Variants in TBX15 observed in about 807,000 individuals in gnomAD.
TBX15 encodes the protein T-box transcription factor TBX15.
A neutral mutation model predicts 53.9 loss-of-function variants in TBX15; 18 were observed. The ratio of observed to expected loss-of-function variants is 0.33; its 90% confidence interval spans 0.23 to 0.49. The LOEUF is 0.49. Among genes scored for constraint, TBX15 ranks in the 20% least tolerant of loss-of-function variants. The pLI is 0.98. For missense variants in TBX15, 692 were observed against 749.5 expected, an observed-to-expected ratio of 0.92 and a Z score of 0.90; for synonymous variants, 295 against 278.0, an observed-to-expected ratio of 1.06 and a Z score of -0.61.
intron 7 of TBX15, among the ~76,000 whole-genome samples, chr1:118,895,080 TCTTA>T (rs1654375670): frequency 6.6e-6 from 1 of 152,178 alleles, no homozygotes; most frequent in South Asian, 2.1e-4. Flanking sequence ...TTTCCCAGTA[TCTTA>T]CTTGTATGAC....
At chr1:118,932,663 C>T (rs1425058428) in intron 1 of TBX15, among the ~76,000 whole-genome samples, 1 of 152,078 alleles carries the variant, frequency 6.6e-6, no homozygotes, top group Non-Finnish European at 1.5e-5. Context: ...TCCAGATGGT[C>T]CTTTCCTGTG....
chr1:118,918,466 G>A lies in TBX15; in HGVS notation c.862-4287C>T, dbSNP rs563231297. Among the ~76,000 whole-genome samples, 3 of 152,154 alleles carry A rather than the reference G, an allele frequency of 2.0e-5. No homozygotes were observed. The South Asian group carries it at 6.2e-4, about 32-fold the overall frequency. ...CTCTTGATTCTATTTGCTTTCACTG[G>A]AGGCATTAGAGACAAAAATCCTATA... On this transcript the variant is annotated intron_variant, in intron 5 of 7. Coordinates refer to ENST00000369429, the MANE Select transcript of TBX15 (RefSeq NM_001330677.2).
At chr1:118,902,686 T>C (rs955744988) in intron 6 of TBX15, among the ~76,000 whole-genome samples, 4 of 152,268 alleles carry the variant, frequency 2.6e-5, no homozygotes, top group African/African-American at 9.6e-5. Context: ...TTTCCTTGTC[T>C]TTTTCCATTC....
intron 1 of TBX15, among the ~76,000 whole-genome samples, chr1:118,985,943 C>T (rs1320550544): frequency 6.6e-6 from 1 of 152,186 alleles, no homozygotes; most frequent in Non-Finnish European, 1.5e-5. Flanking sequence ...AAAGAGCAAA[C>T]TCTGATCTGA....
At chr1:118,896,199 TG>T (rs111668293) in intron 7 of TBX15, among the ~76,000 whole-genome samples, 18,177 of 152,200 alleles carry the variant, frequency 0.12, 1,444 homozygotes, top group East Asian at 0.2. Flanking sequence ...TGGACACCCC[TG>T]TACTAGACTG....
intron 1 of TBX15, among the ~76,000 whole-genome samples, chr1:118,939,679 C>T (rs916862641): frequency 6.8e-6 from 1 of 147,270 alleles, no homozygotes; most frequent in African/African-American, 2.5e-5. Context: ...ACAGGTATCC[C>T]CTAGATCTAA....
chr1:118,987,547 TC>T, intron 1 of TBX15, 43 bp downstream of exon 1: 1 of 1,527,030 alleles, frequency 6.5e-7, no homozygotes, highest in South Asian at 1.2e-5. Flanking sequence ...CCCTTCGGCG[TC>T]CCCTCTCCGC....
intron 1 of TBX15, among the ~76,000 whole-genome samples, chr1:118,939,244 T>G (rs1269600830): frequency 1.3e-5 from 2 of 150,636 alleles, no homozygotes; most frequent in African/African-American, 4.9e-5. Context: ...CTATCCCTAC[T>G]AAAAATCCAA....
intron 6 of TBX15, among the ~76,000 whole-genome samples, chr1:118,901,760 T>A (rs1408166242): frequency 6.6e-6 from 1 of 152,166 alleles, no homozygotes; most frequent in Non-Finnish European, 1.5e-5. Context: ...TGATCTGATA[T>A]AACTTTCACC....
At chr1:118,914,644 C>T (rs1655140728) in intron 5 of TBX15, among the ~76,000 whole-genome samples, 1 of 152,224 alleles carries the variant, frequency 6.6e-6, no homozygotes, top group South Asian at 2.1e-4. Context: ...ACAAGACAAT[C>T]TGCCTTAGCC....
chr1:118,933,131 G>A (rs147779108), intron 1 of TBX15, among the ~76,000 whole-genome samples: 3 of 152,162 alleles, frequency 2.0e-5, no homozygotes, highest in African/African-American at 7.2e-5. Flanking sequence ...TTGCAGACCT[G>A]TGAAAGATAC....
intron 2 of TBX15, among the ~76,000 whole-genome samples, chr1:118,928,810 C>G (rs1196216262): frequency 6.6e-6 from 1 of 152,202 alleles, no homozygotes; most frequent in African/African-American, 2.4e-5. Flanking sequence ...CCATCCCTTT[C>G]CAGTACCTGA....
intron 1 of TBX15, among the ~76,000 whole-genome samples, chr1:118,964,485 G>A (rs991581455): frequency 2.6e-5 from 4 of 152,210 alleles, no homozygotes; most frequent in Non-Finnish European, 5.9e-5. Context: ...ATAAGGATTA[G>A]AGTCACAATT....
intron 6 of TBX15, among the ~76,000 whole-genome samples, chr1:118,909,398 G>A (rs1214720359): frequency 1.3e-5 from 2 of 152,206 alleles, no homozygotes; most frequent in East Asian, 3.9e-4. Context: ...AAAGACAGCT[G>A]GGAATGTATG....
chr1:118,890,673 A>G (rs1482941451), intron 7 of TBX15, among the ~76,000 whole-genome samples: 1 of 152,218 alleles, frequency 6.6e-6, no homozygotes, highest in African/African-American at 2.4e-5. Context: ...GTGACCATGA[A>G]AATCCTGAAT....
intron 3 of TBX15, among the ~76,000 whole-genome samples, chr1:118,925,512 T>C (rs1407424727): frequency 6.6e-6 from 1 of 152,194 alleles, no homozygotes; most frequent in Non-Finnish European, 1.5e-5. Flanking sequence ...AAAAAAGACA[T>C]TGTTTGGTAG....
At chr1:118,972,826 C>T (rs1657275940) in intron 1 of TBX15, among the ~76,000 whole-genome samples, 1 of 152,130 alleles carries the variant, frequency 6.6e-6, no homozygotes, top group Admixed American at 6.5e-5. Flanking sequence ...TCTTGAACTC[C>T]TGACTTCAGA....
At chr1:118,977,954 C>G (rs1657493558) in intron 1 of TBX15, among the ~76,000 whole-genome samples, 1 of 152,190 alleles carries the variant, frequency 6.6e-6, no homozygotes. Flanking sequence ...ATTCAACTCA[C>G]CAGTGATGAA....
rs1227550879 is a variant in TBX15 at position 118,884,973 on chromosome 1, G to A, written c.1568C>T (p.Pro523Leu). 2 of 1,614,146 alleles carry A rather than the reference G, an allele frequency of 1.2e-6. No homozygotes were observed. The highest frequency in any genetic ancestry group is 1.7e-6 in the Non-Finnish European group (2 of 1,180,028). Residue 523 changes from proline (P) to leucine (L), a missense_variant, in exon 8 of 8, where the codon CCC (proline) becomes CTC (leucine). Coordinates refer to ENST00000369429, the MANE Select transcript of TBX15 (RefSeq NM_001330677.2). ...NPYNLYGYNFPTSPRLAASPE... is the reference protein window; with the variant it reads ...NPYNLYGYNFLTSPRLAASPE... ...GCTTGCAGCTAGCCTAGGGGAAGTG[G>A]GGAAATTGTATCCATACAGGTTGTA... is the stretch of plus-strand genomic sequence containing the variant.
Sources: allele counts gnomAD v4.1 joint callset (sites outside exome capture counted in the v4.1 genomes callset), GRCh38; gene constraint gnomAD v4.1.1; transcripts MANE v1.5; gene names NCBI Gene and HGNC (gene_info 2026-07-23, HGNC 2026-07-21).